C5: variants seen among roughly 807,000 people sequenced by gnomAD.
C5 encodes the protein complement C5, also known as C3 and PZP-like alpha-2-macroglobulin domain-containing protein 4.
In C5, 140 loss-of-function variants were observed where a neutral mutation model predicts 218.8. The ratio of observed to expected loss-of-function variants is 0.64; its 90% CI spans 0.56 to 0.74. The LOEUF is 0.74. Ranked by LOEUF, C5 falls within the 30% of genes least tolerant of loss-of-function variation. The pLI is 0.00. For missense variants in C5, 1,700 were observed against 1,969.6 expected (o/e 0.86, Z 2.59); for synonymous variants, 614 against 682.3 (o/e 0.90, Z 1.56).
At chr9:121,013,482 G>C (rs7029078) in intron 17 of C5, among the ~76,000 whole-genome samples, 97,642 of 151,950 alleles carry the variant, frequency 0.64, 31,497 homozygotes, top group East Asian at 0.81. Flanking sequence ...GAAATATTCT[G>C]CTTTATTTCA....
At chr9:121,059,077 G>T in the C5 span, among the ~76,000 whole-genome samples, 1 of 152,300 alleles carries the variant, frequency 6.6e-6, no homozygotes, top group East Asian at 1.9e-4. This position sits in a 1 kb window ranked among gnomAD's most constrained non-coding sequence, Gnocchi z 4.1. Context: ...GGATAAATTT[G>T]TATTTGAAGA....
chr9:121,043,410 T>A (rs2047598157), intron 2 of C5, among the ~76,000 whole-genome samples: 1 of 152,240 alleles, frequency 6.6e-6, no homozygotes, highest in African/African-American at 2.4e-5. Flanking sequence ...CTAAATTTTA[T>A]ATACATTTAG....
intron 33 of C5, among the ~76,000 whole-genome samples, chr9:120,965,184 G>A (rs2046857803): frequency 6.6e-6 from 1 of 152,100 alleles, no homozygotes; most frequent in Non-Finnish European, 1.5e-5. Flanking sequence ...AGTTAGTGAG[G>A]GGTCAGGGCA....
At position 120,960,346 on chromosome 9, in the gene C5, T is replaced by A; in HGVS notation, c.4589-9A>T. On this transcript the variant is annotated splice_polypyrimidine_tract_variant and intron_variant, in intron 37 of 40. Coordinates refer to ENST00000223642, the MANE Select transcript of C5 (RefSeq NM_001735.3). Reference sequence around the variant, plus strand: ...CATTTGCCCACAATCAGCTGGATTTTGTGAAAATTGGTAAAAATAAGGTTA... The same window carrying A: ...CATTTGCCCACAATCAGCTGGATTTAGTGAAAATTGGTAAAAATAAGGTTA... 1 of 1,599,024 alleles carries A rather than the reference T, an allele frequency of 6.3e-7. No homozygotes were observed. The highest frequency in any genetic ancestry group is 8.6e-7 in the Non-Finnish European group (1 of 1,167,360).
chr9:121,034,483 C>G (rs148751912), intron 5 of C5, among the ~76,000 whole-genome samples: 1 of 152,140 alleles, frequency 6.6e-6, no homozygotes, highest in African/African-American at 2.4e-5. Context: ...GAGCAAGGAA[C>G]AAGACCACAC....
At chr9:121,026,434 A>T (rs1355503028) in intron 8 of C5, among the ~76,000 whole-genome samples, 1 of 152,196 alleles carries the variant, frequency 6.6e-6, no homozygotes, top group African/African-American at 2.4e-5. Flanking sequence ...ACTCACAAAT[A>T]GTTTAATATT....
chr9:121,031,463 T>G lies in C5; in HGVS notation c.667+650A>C, dbSNP rs2047473884. ...TACTGGGTTCCACTCACCTCATCTA[T>G]GACTATTTAAGTTTCTCCTAATAAT... On this transcript the variant is annotated intron_variant, in intron 6 of 40. Coordinates refer to ENST00000223642, the MANE Select transcript of C5 (RefSeq NM_001735.3). Among the ~76,000 whole-genome samples the G allele has an allele frequency of 2.0e-5, 3 of 152,210 alleles. No individual in the cohort carries two copies. In the South Asian group the frequency reaches 6.2e-4, roughly 32 times the overall value.
At chr9:121,015,575 G>T (rs1012532441) in intron 15 of C5, among the ~76,000 whole-genome samples, 2 of 151,850 alleles carry the variant, frequency 1.3e-5, no homozygotes, top group African/African-American at 4.8e-5. Flanking sequence ...GCTTTTGTTG[G>T]GTATGCTATT....
chr9:121,016,483 G>T, intron 14 of C5, 100 bp from the exon 15 acceptor site: 1 of 1,412,600 alleles, frequency 7.1e-7, no homozygotes, highest in Non-Finnish European at 9.9e-7. Flanking sequence ...ACAAACCAGT[G>T]AAATACACAG....
intron 20 of C5, 60 bp from the exon 21 acceptor site, chr9:120,997,834 G>T: frequency 7.0e-7 from 1 of 1,419,938 alleles, no homozygotes; most frequent in Non-Finnish European, 9.8e-7. Context: ...ACAGAGTCTT[G>T]CTATGTCGCC....
At chr9:120,990,836 T>C (rs997663713) in intron 23 of C5, among the ~76,000 whole-genome samples, 2 of 152,226 alleles carry the variant, frequency 1.3e-5, no homozygotes, top group Admixed American at 1.3e-4. Flanking sequence ...CGCTAGGCCA[T>C]GTGCAGGCCA....
intron 8 of C5, 37 bp downstream of exon 8, chr9:121,027,123 A>C: frequency 1.9e-6 from 2 of 1,071,320 alleles, no homozygotes; most frequent in East Asian, 4.8e-5. Flanking sequence ...CTCTGGATGC[A>C]TCTGTAGGTG....
At position 121,037,881 on chromosome 9, in the gene C5, T is replaced by C. The variant is rs753030709; in HGVS notation, c.492A>G (p.Ile164Met). The C allele has an allele frequency of 1.4e-6, 2 of 1,402,424 alleles. No homozygotes were observed. The highest frequency in any genetic ancestry group is 2.0e-6 in the Non-Finnish European group (2 of 1,008,944). 86.9% of individuals were successfully genotyped at this position (1,402,424 alleles called of 1,614,324 possible). Residue 164 changes from isoleucine to methionine, a missense_variant and splice_region_variant, in exon 4 of 41, where the codon ATA becomes ATG. Coordinates refer to ENST00000223642, the MANE Select transcript of C5 (RefSeq NM_001735.3). ...PAKRETVLTF[I>M]DPEGSEVDMV... Reference sequence around the variant, plus strand: ...TTATTTAAATAAATAAAATACTTACTATGAAAGTTAAGACAGTTTCTCTTT... The same window carrying C: ...TTATTTAAATAAATAAAATACTTACCATGAAAGTTAAGACAGTTTCTCTTT...
intron 2 of C5, among the ~76,000 whole-genome samples, chr9:121,043,700 CTT>C (rs34794535): frequency 1.7e-5 from 2 of 120,642 alleles, no homozygotes. Flanking sequence ...GTCCAGCTAA[CTT>C]TTTTTTTTTT....
chr9:121,034,781 A>T, intron 5 of C5, 22 bp downstream of exon 5: 1 of 1,349,386 alleles, frequency 7.4e-7, no homozygotes, highest in South Asian at 1.2e-5. Context: ...ATGTGGTTTT[A>T]TTAACAACTA....
At chr9:120,957,429 G>T (rs1325094109) in intron 38 of C5, 61 bp from the exon 39 acceptor site, 11 of 1,253,448 alleles carry the variant, frequency 8.8e-6, no homozygotes, top group Non-Finnish European at 1.3e-5. Flanking sequence ...GCTATGTCCA[G>T]TAGAAGCCAG....
At chr9:121,071,915 T>G in the C5 span, among the ~76,000 whole-genome samples, 1 of 152,212 alleles carries the variant, frequency 6.6e-6, no homozygotes, top group Non-Finnish European at 1.5e-5. Context: ...ATATTTGTAT[T>G]GTAAATGCAA....
chr9:120,960,833 A>G (rs1707032586), intron 37 of C5, among the ~76,000 whole-genome samples: 1 of 152,218 alleles, frequency 6.6e-6, no homozygotes, highest in African/African-American at 2.4e-5. Flanking sequence ...GTCTTTAGAA[A>G]TGTATGTGGT....
At chr9:120,980,336 T>C in intron 27 of C5, 82 bp from the exon 28 acceptor site, 3 of 1,236,568 alleles carry the variant, frequency 2.4e-6, no homozygotes, top group Admixed American at 3.4e-5. Context: ...GATCCCACTA[T>C]CCTGGAGCAA....
Sources: allele counts gnomAD v4.1 joint callset (sites outside exome capture counted in the v4.1 genomes callset), GRCh38; gene constraint gnomAD v4.1.1; non-coding constraint Gnocchi (gnomAD v3.1); transcripts MANE v1.5; gene names NCBI Gene and HGNC (gene_info 2026-07-23, HGNC 2026-07-21).